The following HK3 variants were observed in gnomAD, a reference collection of about 807,000 sequenced individuals.
The protein encoded by HK3 is hexokinase 3, also known as hexokinase-3.
A neutral mutation model predicts 91.0 loss-of-function variants in HK3; 93 were observed. The observed-to-expected ratio is 1.02, with a 90% CI of 0.86 to 1.21. HK3 has a LOEUF of 1.21. Among genes scored for constraint, HK3 ranks in the 50% most tolerant of loss-of-function variants. HK3 has a pLI of 0.00. For missense variants in HK3, 1,235 were observed against 1,247.4 expected (o/e 0.99, Z 0.15); for synonymous variants, 519 against 516.9 (o/e 1.00, Z -0.06).
Position 176,884,574 on chromosome 5 carries a change from C to A in HK3, c.1858-440G>T, listed in dbSNP as rs756655621. ...CCAAGTTACTCTAGAGGAAGGAATT[C>A]TCAGCTTCAGGGATAGAGCCGTGTC... On this transcript the variant is annotated intron_variant, in intron 13 of 18. Coordinates refer to ENST00000292432, the MANE Select transcript of HK3 (RefSeq NM_002115.3). The surrounding 1 kb of genome is among the most constrained non-coding windows in gnomAD (Gnocchi z 4.1). Among the ~76,000 whole-genome samples, 13 of 152,308 alleles carry A rather than the reference C, an allele frequency of 8.5e-5. No individual in the cohort carries two copies. The highest frequency in any genetic ancestry group is 1.6e-4 in the Non-Finnish European group (11 of 68,032).
At chr5:176,885,515 G>A (rs182411184) in intron 13 of HK3, among the ~76,000 whole-genome samples, 8 of 152,088 alleles carry the variant, frequency 5.3e-5, no homozygotes, top group South Asian at 2.1e-4. Context: ...TCTGCCTCCC[G>A]GGTTCAAGTG....
At chr5:176,888,240 G>T in intron 10 of HK3, 92 bp downstream of exon 10, 1 of 1,087,728 alleles carries the variant, frequency 9.2e-7, no homozygotes, top group Non-Finnish European at 1.4e-6. Context: ...GTGTCCACTG[G>T]CTTGCACATG....
chr5:176,894,775 TC>T (rs1758864790), intron 2 of HK3, among the ~76,000 whole-genome samples: 1 of 148,096 alleles, frequency 6.8e-6, no homozygotes, highest in Non-Finnish European at 1.5e-5. Context: ...TCTATGCAAG[TC>T]CTTTTTTTTT....
At chr5:176,897,165 A>T (rs1048718188) in intron 1 of HK3, among the ~76,000 whole-genome samples, 2 of 152,202 alleles carry the variant, frequency 1.3e-5, no homozygotes, top group African/African-American at 4.8e-5. Context: ...GTTGAATCTG[A>T]ACTGAAACTC....
At chr5:176,882,494 A>G (rs1758465907) in intron 15 of HK3, among the ~76,000 whole-genome samples, 1 of 152,224 alleles carries the variant, frequency 6.6e-6, no homozygotes, top group South Asian at 2.1e-4. Context: ...CCGGCCTGCC[A>G]GGCCCTTAAT....
intron 2 of HK3, 102 bp downstream of exon 2, chr5:176,895,962 G>A: frequency 1.1e-6 from 1 of 898,378 alleles, no homozygotes; most frequent in South Asian, 1.4e-5. Context: ...TCAGTGGAAA[G>A]GGGCTGCATG....
intron 15 of HK3, among the ~76,000 whole-genome samples, chr5:176,882,826 C>T (rs1758478500): frequency 6.6e-6 from 1 of 152,194 alleles, no homozygotes; most frequent in South Asian, 2.1e-4. Flanking sequence ...AGGTGGGCTC[C>T]TTGCTGGCCC....
chr5:176,897,791 C>T (rs187273091), intron 1 of HK3, among the ~76,000 whole-genome samples: 16 of 152,288 alleles, frequency 1.1e-4, no homozygotes, highest in Admixed American at 7.8e-4. Context: ...CCCTTTATCT[C>T]GCCCATTCCC....
At chr5:176,883,695 A>G in intron 15 of HK3, 75 bp downstream of exon 15, 1 of 1,185,288 alleles carries the variant, frequency 8.4e-7, no homozygotes, top group Non-Finnish European at 1.3e-6. Flanking sequence ...CCAAGGAAAC[A>G]TCCAACCAGA....
intron 1 of HK3, 82 bp from the exon 2 acceptor site, chr5:176,896,267 T>G: frequency 1.6e-6 from 1 of 624,360 alleles, no homozygotes. Flanking sequence ...ACTTCCTTCC[T>G]TCTGAAGGGG....
chr5:176,891,380 A>G lies in HK3; in HGVS notation c.259+8T>C. 6.2e-7 allele frequency: 1 copy of G among 1,612,174 alleles called. No homozygotes were observed. Among genetic ancestry groups the G allele is most frequent in the Non-Finnish European group, 8.5e-7 (1 of 1,179,032 alleles). On this transcript the variant is annotated splice_region_variant and intron_variant, in intron 3 of 18. Coordinates refer to ENST00000292432, the MANE Select transcript of HK3 (RefSeq NM_002115.3). ...GCCTGGCCACGCATCTCAATCTATG[A>G]TACCCACCAGTGCCATGTGGGGTGG...
chr5:176,888,663 C>G, intron 9 of HK3, 46 bp downstream of exon 9: 8 of 1,613,648 alleles, frequency 5.0e-6, no homozygotes, highest in Non-Finnish European at 6.8e-6. Context: ...CATCCCCTTC[C>G]TCCAAGCCAA....
chr5:176,883,956 GCT>G, intron 14 of HK3, 81 bp downstream of exon 14: 1 of 1,579,940 alleles, frequency 6.3e-7, no homozygotes, highest in Non-Finnish European at 8.7e-7. Context: ...ACCGCAGAGG[GCT>G]CCCCCCTCAG....
Position 176,881,676 on chromosome 5 carries a change from T to C in HK3, c.2393+16A>G, listed in dbSNP as rs1032235171. On this transcript the variant is annotated intron_variant, in intron 17 of 18. Coordinates refer to ENST00000292432, the MANE Select transcript of HK3 (RefSeq NM_002115.3). The stretch of plus-strand genomic sequence containing the variant: ...AGACCCCCTGAAGTGGGGGAGGCAA[T>C]GTAGGCCTCAGGCACCTTTCGATCT... The C allele has an allele frequency of 1.4e-5, 23 of 1,613,660 alleles. No homozygotes were observed. The highest frequency in any genetic ancestry group is 1.9e-5 in the Non-Finnish European group (23 of 1,179,804).
chr5:176,881,202 C>T lies in HK3; in HGVS notation c.2643G>A (p.Val881=). The T allele has an allele frequency of 6.2e-7, 1 of 1,613,216 alleles. No individual in the cohort carries two copies. Among genetic ancestry groups the T allele is most frequent in the South Asian group, 1.1e-5 (1 of 91,086 alleles). The change falls in exon 19 of 19, where the codon GTG becomes GTA. Residue 881 remains valine, a synonymous_variant. Transcript: ENST00000292432. ...YKLHPRFSSL[V]AATVRELAPR... Reference sequence around the variant, plus strand: ...GGGCCAGCTCCCGCACTGTGGCCGCCACCAGGCTGGAGAAGCTGTGAGAGG... The same window carrying T: ...GGGCCAGCTCCCGCACTGTGGCCGCTACCAGGCTGGAGAAGCTGTGAGAGG...
intron 6 of HK3, 103 bp from the exon 7 acceptor site, chr5:176,889,847 A>C: frequency 1.1e-6 from 1 of 878,194 alleles, no homozygotes; most frequent in South Asian, 1.4e-5. Flanking sequence ...GGAGATACAT[A>C]GAGTCCATGA....
intron 1 of HK3, among the ~76,000 whole-genome samples, chr5:176,896,932 C>G (rs1370957773): frequency 1.3e-5 from 2 of 152,024 alleles, no homozygotes. Flanking sequence ...ATGTAGTGTG[C>G]AACATAAACA....
At chr5:176,892,125 G>A (rs542105149) in intron 2 of HK3, among the ~76,000 whole-genome samples, 132 of 152,198 alleles carry the variant, frequency 8.7e-4, no homozygotes, top group Non-Finnish European at 1.6e-3. Context: ...TCTAAGCACC[G>A]CACACACATA....
intron 13 of HK3, among the ~76,000 whole-genome samples, chr5:176,886,441 G>T (rs1190878879): frequency 2.0e-5 from 3 of 151,864 alleles, no homozygotes; most frequent in Admixed American, 6.6e-5. Context: ...ATTCCTGGGA[G>T]TTTGGACCAG....
Sources: allele counts gnomAD v4.1 joint callset (sites outside exome capture counted in the v4.1 genomes callset), GRCh38; gene constraint gnomAD v4.1.1; non-coding constraint Gnocchi (gnomAD v3.1); transcripts MANE v1.5; gene names NCBI Gene and HGNC (gene_info 2026-07-23, HGNC 2026-07-21).